MDGA2: variants seen among roughly 807,000 people sequenced by gnomAD.
MDGA2 encodes the protein MAM domain-containing glycosylphosphatidylinositol anchor protein 2.
In MDGA2, 40 loss-of-function variants were observed where a neutral mutation model predicts 117.8. The observed-to-expected ratio is 0.34, with a 90% CI of 0.26 to 0.44. MDGA2 has a LOEUF of 0.44. MDGA2 is among the 20% of genes least tolerant of loss of function. MDGA2 has a pLI of 1.00. For synonymous variants in MDGA2, 452 were observed against 439.0 expected (o/e 1.03, Z -0.37); for missense variants, 1,123 against 1,250.6 (o/e 0.90, Z 1.54).
chr14:47,345,449 C>A (rs1382332238), intron 1 of MDGA2, among the ~76,000 whole-genome samples: 1 of 151,972 alleles, frequency 6.6e-6, no homozygotes, highest in Non-Finnish European at 1.5e-5. Flanking sequence ...TATCCATTTG[C>A]AAGTGAAGTA....
chr14:47,315,169 ATACTTTTTCTACTTC>A lies in MDGA2; in HGVS notation c.281-13634_281-13620del, dbSNP rs1346628071. On this transcript the variant is annotated intron_variant, in intron 1 of 16. Transcript: ENST00000399232. ...GCTAAGCTCTATCTCCCTGACTATAATACTTTTTCTACTTCTACTTTACAGTTACCCTGGTTCTCT... is the reference window on the plus strand; with the variant it reads ...GCTAAGCTCTATCTCCCTGACTATAATACTTTACAGTTACCCTGGTTCTCT... Among the ~76,000 whole-genome samples the A allele has an allele frequency of 2.6e-5, 4 of 152,134 alleles. No homozygotes were observed. In the East Asian group the frequency reaches 7.7e-4, roughly 29 times the overall value.
At chr14:47,378,880 C>T (rs7493803) in intron 1 of MDGA2, among the ~76,000 whole-genome samples, 39,193 of 151,948 alleles carry the variant, frequency 0.26, 5,240 homozygotes, top group South Asian at 0.45. Flanking sequence ...CACAAAGATA[C>T]TCCTCAAGAA....
chr14:47,425,363 T>A (rs1046015553), intron 1 of MDGA2, among the ~76,000 whole-genome samples: 5 of 152,128 alleles, frequency 3.3e-5, no homozygotes, highest in Admixed American at 6.6e-5. Context: ...TTAATTTCAG[T>A]AGGAGATACA....
Position 47,174,166 on chromosome 14 carries a change from C to A in MDGA2, c.596-29892G>T, listed in dbSNP as rs576499693. On this transcript the variant is annotated intron_variant, in intron 3 of 16. Transcript: ENST00000399232. ...CATAAAGCAAGTCCTGAGTGACCTA[C>A]AAAGAGACTTAGACTCCCACACAAT... Among the ~76,000 whole-genome samples, 12 of 152,206 alleles carry A rather than the reference C, an allele frequency of 7.9e-5. No homozygotes were observed. In the South Asian group the frequency reaches 2.1e-3, roughly 26 times the overall value.
At chr14:47,185,862 A>G (rs1594705925) in intron 3 of MDGA2, among the ~76,000 whole-genome samples, 1 of 151,492 alleles carries the variant, frequency 6.6e-6, no homozygotes, top group South Asian at 2.1e-4. Context: ...ATTTAGTCGC[A>G]TTAAGATAAA....
At chr14:47,307,948 G>A (rs1360960236) in intron 1 of MDGA2, among the ~76,000 whole-genome samples, 3 of 152,122 alleles carry the variant, frequency 2.0e-5, no homozygotes, top group Non-Finnish European at 4.4e-5. Flanking sequence ...GACTTAGTGC[G>A]ATTATAAAGT....
At chr14:47,301,817 T>C (rs1889295212) in intron 1 of MDGA2, among the ~76,000 whole-genome samples, 1 of 152,170 alleles carries the variant, frequency 6.6e-6, no homozygotes, top group African/African-American at 2.4e-5. Context: ...GACCACAAGA[T>C]AAAATTTGAT....
chr14:47,151,890 TAATA>T (rs1317825475), intron 3 of MDGA2, among the ~76,000 whole-genome samples: 1 of 152,040 alleles, frequency 6.6e-6, no homozygotes, highest in Non-Finnish European at 1.5e-5. Flanking sequence ...CTCAATAATC[TAATA>T]AATTAATATA....
rs544611610 is a variant in MDGA2, at chr14:47,370,967, C to A, written c.281-69417G>T. Among the ~76,000 whole-genome samples the A allele has an allele frequency of 1.4e-4, 22 of 151,880 alleles. No homozygotes were observed. The East Asian group carries it at 3.9e-3, about 27-fold the overall frequency. On this transcript the variant is annotated intron_variant, in intron 1 of 16. Transcript: ENST00000399232. ...ATTCATCAAAAGCAGGGAATATATTCTACACCTAGTTGATAGCACAAAAGG... is the reference window on the plus strand; with the variant it reads ...ATTCATCAAAAGCAGGGAATATATTATACACCTAGTTGATAGCACAAAAGG...
At chr14:47,589,111 A>C (rs2138855789) in intron 1 of MDGA2, among the ~76,000 whole-genome samples, 1 of 152,054 alleles carries the variant, frequency 6.6e-6, no homozygotes, top group Admixed American at 6.6e-5. Flanking sequence ...TCACATCCAC[A>C]AAGTCCCTTT....
intron 7 of MDGA2, among the ~76,000 whole-genome samples, chr14:47,043,907 G>A (rs1023208118): frequency 1.3e-5 from 2 of 151,872 alleles, no homozygotes; most frequent in Non-Finnish European, 2.9e-5. Flanking sequence ...TCTGATTTCT[G>A]CATCTTTTAT....
chr14:47,190,189 G>A (rs1380524105), intron 3 of MDGA2, among the ~76,000 whole-genome samples: 1 of 152,136 alleles, frequency 6.6e-6, no homozygotes, highest in South Asian at 2.1e-4. Flanking sequence ...TATAGTTCCT[G>A]GACATGGCCA....
chr14:47,480,599 A>G (rs759924220), intron 1 of MDGA2, among the ~76,000 whole-genome samples: 1 of 151,866 alleles, frequency 6.6e-6, no homozygotes, highest in Non-Finnish European at 1.5e-5. Context: ...TAAAAATACT[A>G]TTTTCTTGCA....
chr14:46,947,026 G>A (rs1885194201), intron 9 of MDGA2, among the ~76,000 whole-genome samples: 1 of 152,008 alleles, frequency 6.6e-6, no homozygotes, highest in Non-Finnish European at 1.5e-5. Flanking sequence ...ACTTGATTAG[G>A]TTTTTACTCA....
At chr14:47,165,923 AAAG>A (rs1363210080) in intron 3 of MDGA2, among the ~76,000 whole-genome samples, 6 of 152,214 alleles carry the variant, frequency 3.9e-5, no homozygotes, top group African/African-American at 1.4e-4. Context: ...ATAAATAAAA[AAAG>A]AATTAGTGGC....
At chr14:47,065,887 G>T (rs1890062137) in intron 6 of MDGA2, among the ~76,000 whole-genome samples, 1 of 152,174 alleles carries the variant, frequency 6.6e-6, no homozygotes, top group South Asian at 2.1e-4. Context: ...TAATCAGGTT[G>T]TAGGATTCTG....
intron 1 of MDGA2, among the ~76,000 whole-genome samples, chr14:47,640,984 G>T (rs916257140): frequency 6.6e-6 from 1 of 151,918 alleles, no homozygotes; most frequent in African/African-American, 2.4e-5. Flanking sequence ...AAGCAAGTTC[G>T]CAATGATTTC....
intron 1 of MDGA2, among the ~76,000 whole-genome samples, chr14:47,501,928 TAGTTGGAAATACATTATATA>T (rs1172271123): frequency 6.6e-6 from 1 of 152,164 alleles, no homozygotes; most frequent in Non-Finnish European, 1.5e-5. Context: ...TTGTCTATAT[TAGTTGGAAATACATTATATA>T]AGTATTTATA....
chr14:47,609,447 A>ATATATATATT (rs1793104735), intron 1 of MDGA2, among the ~76,000 whole-genome samples: 1 of 96,512 alleles, frequency 1.0e-5, no homozygotes, highest in Non-Finnish European at 2.1e-5. Context: ...ATATATATAT[A>ATATATATATT]TATATATATA....
Sources: allele counts gnomAD v4.1 joint callset (sites outside exome capture counted in the v4.1 genomes callset), GRCh38; gene constraint gnomAD v4.1.1; transcripts MANE v1.5; gene names NCBI Gene and HGNC (gene_info 2026-07-23, HGNC 2026-07-21).